Variants in MACROD1 observed in about 807,000 individuals in gnomAD.
The protein encoded by MACROD1 is ADP-ribose glycohydrolase MACROD1.
Under a neutral mutation model 41.4 loss-of-function variants are expected in MACROD1, and 31 were observed. The observed-to-expected ratio is 0.75, with a 90% CI of 0.56 to 1.01. The LOEUF is 1.01. Among genes scored for constraint, MACROD1 ranks in the 50% least tolerant of loss-of-function variants. MACROD1 has a pLI of 0.00. For missense variants in MACROD1, 473 were observed against 460.0 expected (o/e 1.03, Z -0.26); for synonymous variants, 252 against 203.4 (o/e 1.24, Z -2.03).
intron 1 of MACROD1, among the ~76,000 whole-genome samples, chr11:64,153,865 C>T (rs1217820239): frequency 1.3e-5 from 2 of 152,150 alleles, no homozygotes; most frequent in Non-Finnish European, 2.9e-5. Context: ...GGACTCACTG[C>T]TGCAGGTCCC....
At chr11:64,042,210 C>T (rs369091536) in intron 3 of MACROD1, among the ~76,000 whole-genome samples, 37 of 152,184 alleles carry the variant, frequency 2.4e-4, no homozygotes, top group African/African-American at 7.7e-4. Flanking sequence ...TCACACCTAA[C>T]CCACCTTCCT....
intron 4 of MACROD1, among the ~76,000 whole-genome samples, chr11:64,013,022 G>A (rs1212369794): frequency 6.6e-6 from 1 of 151,880 alleles, no homozygotes. Flanking sequence ...TAGAGATGGG[G>A]TCTTACTATG....
At chr11:64,118,064 C>T (rs772494985) in intron 3 of MACROD1, 1 of 1,612,974 alleles carries the variant, frequency 6.2e-7, no homozygotes, top group Admixed American at 1.7e-5. Context: ...AAAAGGATGA[C>T]TATATGGAGT....
At chr11:64,051,046 T>C (rs1392943547) in intron 3 of MACROD1, among the ~76,000 whole-genome samples, 2 of 152,220 alleles carry the variant, frequency 1.3e-5, no homozygotes, top group Admixed American at 1.3e-4. Context: ...ATTCCAAGGA[T>C]TGAGGCTCAA....
At chr11:64,148,716 C>T (rs773533080) in intron 3 of MACROD1, 9 of 985,504 alleles carry the variant, frequency 9.1e-6, no homozygotes, top group Non-Finnish European at 1.1e-5. Flanking sequence ...GAGGCACAGA[C>T]GCAGATTTAT....
chr11:64,000,867 T>C (rs1043170869), intron 4 of MACROD1, among the ~76,000 whole-genome samples: 4 of 152,082 alleles, frequency 2.6e-5, no homozygotes, highest in Non-Finnish European at 4.4e-5. Flanking sequence ...AGGACCCATT[T>C]TGCGGATGAG....
chr11:64,118,730 C>A (rs2134628016), intron 3 of MACROD1: 1 of 170,266 alleles, frequency 5.9e-6, no homozygotes, highest in East Asian at 1.8e-4. Context: ...ACGCAGCTCT[C>A]CCGCCACTGG....
chr11:64,155,489 A>G (rs1793995110), intron 1 of MACROD1, among the ~76,000 whole-genome samples: 1 of 152,222 alleles, frequency 6.6e-6, no homozygotes, highest in Non-Finnish European at 1.5e-5. Context: ...GAATAGGGAC[A>G]AGGCAGGCCT....
At chr11:64,075,352 C>A (rs911797668) in intron 3 of MACROD1, among the ~76,000 whole-genome samples, 3 of 152,274 alleles carry the variant, frequency 2.0e-5, no homozygotes, top group African/African-American at 4.8e-5. Context: ...GGGTCTAAAC[C>A]GTTCCCTGGG....
chr11:64,084,326 T>C (rs1944355536), intron 3 of MACROD1, among the ~76,000 whole-genome samples: 1 of 152,116 alleles, frequency 6.6e-6, no homozygotes, highest in South Asian at 2.1e-4. Context: ...GGGGGATGCC[T>C]GTCCCCCAGC....
Position 64,036,492 on chromosome 11 carries a change from C to G in MACROD1, c.518-21211G>C, listed in dbSNP as rs940150081. ...TAGTCCAAGCCCTCGCTGCACCCCC[C>G]AGGGAGGGGGCCTGGCCCGTGGGGG... is the stretch of plus-strand genomic sequence containing the variant. On this transcript the variant is annotated intron_variant, in intron 3 of 10. Transcript: ENST00000255681. This position sits in a 1 kb window ranked among gnomAD's most constrained non-coding sequence, Gnocchi z 5.6. Among the ~76,000 whole-genome samples, 1 of 151,890 alleles carries G rather than the reference C, an allele frequency of 6.6e-6. No individual in the cohort carries two copies. Among genetic ancestry groups the G allele is most frequent in the Non-Finnish European group, 1.5e-5 (1 of 67,894 alleles).
intron 3 of MACROD1, among the ~76,000 whole-genome samples, chr11:64,028,880 A>T (rs927456964): frequency 6.6e-6 from 1 of 151,940 alleles, no homozygotes; most frequent in Non-Finnish European, 1.5e-5. Flanking sequence ...TGGGCTTAGG[A>T]CACTCTTTCT....
At chr11:64,023,928 C>T (rs370893591) in intron 3 of MACROD1, among the ~76,000 whole-genome samples, 14 of 152,266 alleles carry the variant, frequency 9.2e-5, no homozygotes, top group African/African-American at 2.9e-4. Context: ...TGTCTGCTTC[C>T]TGCCTGGGTT....
intron 1 of MACROD1, among the ~76,000 whole-genome samples, chr11:64,160,433 C>G (rs1041953293): frequency 6.6e-6 from 1 of 152,284 alleles, no homozygotes; most frequent in African/African-American, 2.4e-5. Flanking sequence ...AGAGGATCCT[C>G]TCAGGCAGAC....
Position 63,998,833 on chromosome 11 carries a change from C to T in MACROD1, c.*30+5G>A, listed in dbSNP as rs778918893. 23 of 1,568,238 alleles carry T rather than the reference C, an allele frequency of 1.5e-5. No individual in the cohort carries two copies. The highest frequency in any genetic ancestry group is 1.6e-5 in the Non-Finnish European group (19 of 1,160,922). On this transcript the variant is annotated splice_donor_5th_base_variant and intron_variant, in intron 10 of 10. Coordinates refer to ENST00000255681, the MANE Select transcript of MACROD1 (RefSeq NM_014067.4). The stretch of plus-strand genomic sequence containing the variant: ...GGCCGCCGCACGGGGCGAGGCCCTG[C>T]TTACCAGTCCCGGTCAGGGTGGGCT...
chr11:64,059,301 G>A (rs984982033), intron 3 of MACROD1, among the ~76,000 whole-genome samples: 1 of 152,180 alleles, frequency 6.6e-6, no homozygotes, highest in African/African-American at 2.4e-5. Flanking sequence ...TGCGGGTCCT[G>A]GCTCCACTGA....
chr11:64,047,552 C>T (rs542265831), intron 3 of MACROD1, among the ~76,000 whole-genome samples: 1 of 152,206 alleles, frequency 6.6e-6, no homozygotes, highest in East Asian at 1.9e-4. Context: ...TTTACAGTGG[C>T]CCAGATGTAC....
At chr11:64,164,929 G>C (rs1226173761) in intron 1 of MACROD1, among the ~76,000 whole-genome samples, 1 of 151,638 alleles carries the variant, frequency 6.6e-6, no homozygotes, top group African/African-American at 2.4e-5. Flanking sequence ...CCAGGCCCCA[G>C]ACTCATGCCC....
At chr11:64,154,390 G>GCCTT (rs1945634086) in intron 1 of MACROD1, among the ~76,000 whole-genome samples, 1 of 151,932 alleles carries the variant, frequency 6.6e-6, no homozygotes, top group African/African-American at 2.4e-5. Context: ...TAGAAACCAA[G>GCCTT]CCTTCCTCTC....
Sources: gnomAD v4.1 joint callset for allele counts (sites outside exome capture counted in the v4.1 genomes callset) on GRCh38, gnomAD v4.1.1 for gene constraint, Gnocchi (gnomAD v3.1) non-coding constraint, MANE v1.5 for transcripts, NCBI Gene and HGNC (gene_info 2026-07-23, HGNC 2026-07-21) for gene names.